The following LAMA3 variants were observed in gnomAD, a reference collection of about 807,000 sequenced individuals.
LAMA3 encodes laminin subunit alpha-3.
Under a neutral mutation model 402.0 loss-of-function variants are expected in LAMA3, and 281 were observed. The ratio of observed to expected loss-of-function variants is 0.70; its 90% CI spans 0.63 to 0.77. The LOEUF (loss-of-function observed/expected upper bound fraction) is 0.77, where lower values mean the gene tolerates loss of function less well. LAMA3 is among the 30% of genes least tolerant of loss of function. The probability of loss-of-function intolerance (pLI) is 0.00; values close to 1 mark genes in which losing one functional copy is unlikely to be tolerated. For synonymous variants in LAMA3, 1,431 were observed against 1,558.4 expected, an observed-to-expected ratio of 0.92 and a Z score of 1.93; for missense variants, 3,840 against 4,215.5, an observed-to-expected ratio of 0.91 and a Z score of 2.47.
chr18:23,867,772 A>G, intron 36 of LAMA3, 62 bp from the exon 37 acceptor site: 4 of 1,246,872 alleles, frequency 3.2e-6, no homozygotes, highest in Non-Finnish European at 4.7e-6. Context: ...TTCTTAGATC[A>G]GTTATAAATC....
At chr18:23,767,578 C>CTTTTTTTTTT (rs71163640) in intron 8 of LAMA3, among the ~76,000 whole-genome samples, 12 of 125,782 alleles carry the variant, frequency 9.5e-5, no homozygotes, top group African/African-American at 1.2e-4. Context: ...TCTTTCTTTT[C>CTTTTTTTTTT]TTTTTTTTTT....
rs374284625 is a variant in LAMA3 at position 23,927,586 on chromosome 18, A to G, written c.8178-537A>G. On this transcript the variant is annotated intron_variant, in intron 62 of 74. Transcript: ENST00000313654. ...GTTTCAGCTTGGCATTGGTTAAATC[A>G]AGCTACGTTTTTCATAATTGAATAG... Among the ~76,000 whole-genome samples, 122 of 152,280 alleles carry G rather than the reference A, an allele frequency of 8.0e-4. 4 individuals carry two copies. The South Asian group carries it at 0.024, about 30-fold the overall frequency.
At chr18:23,835,209 G>A (rs1290041571) in intron 24 of LAMA3, among the ~76,000 whole-genome samples, 1 of 152,124 alleles carries the variant, frequency 6.6e-6, no homozygotes, top group African/African-American at 2.4e-5. Flanking sequence ...ATTTGTCCAC[G>A]CCCACCCACC....
intron 56 of LAMA3, 109 bp from the exon 57 acceptor site, chr18:23,914,301 G>A: frequency 9.1e-7 from 1 of 1,098,176 alleles, no homozygotes; most frequent in South Asian, 1.3e-5. Flanking sequence ...TCTCTCCAAG[G>A]CTTATTGCCT....
intron 29 of LAMA3, 56 bp from the exon 30 acceptor site, chr18:23,844,953 C>T: frequency 1.0e-6 from 1 of 979,720 alleles, no homozygotes; most frequent in South Asian, 1.3e-5. Context: ...TAATAAGTAG[C>T]CTTAGGTCTG....
Position 23,777,546 on chromosome 18 carries a change from T to G in LAMA3, c.1406-11T>G. 1 of 1,575,620 alleles carries G rather than the reference T, an allele frequency of 6.3e-7. No individual in the cohort carries two copies. Among genetic ancestry groups the G allele is most frequent in the Non-Finnish European group, 8.7e-7 (1 of 1,144,848 alleles). On this transcript the variant is annotated splice_polypyrimidine_tract_variant and intron_variant, in intron 10 of 74. Transcript: ENST00000313654. ...TCATCCTCTGTATTTTTTAATAAACTATTTTTACAGGAATTCCCATTTTTC... is the reference window on the plus strand; with the variant it reads ...TCATCCTCTGTATTTTTTAATAAACGATTTTTACAGGAATTCCCATTTTTC...
intron 50 of LAMA3, 58 bp from the exon 51 acceptor site, chr18:23,904,495 A>T: frequency 6.6e-7 from 1 of 1,519,722 alleles, no homozygotes; most frequent in South Asian, 1.2e-5. Flanking sequence ...GTTTGGGGGG[A>T]TGTCAGCTGC....
chr18:23,803,730 A>G (rs1598824890), intron 12 of LAMA3, among the ~76,000 whole-genome samples: 1 of 152,166 alleles, frequency 6.6e-6, no homozygotes, highest in East Asian at 1.9e-4. Flanking sequence ...TCCCTTCACC[A>G]CTGTCCTTCA....
At chr18:23,696,293 A>G (rs1042121665) in intron 1 of LAMA3, among the ~76,000 whole-genome samples, 2 of 152,158 alleles carry the variant, frequency 1.3e-5, no homozygotes, top group African/African-American at 4.8e-5. Flanking sequence ...ATTGAATTCT[A>G]AATGTTTTTG....
intron 2 of LAMA3, among the ~76,000 whole-genome samples, chr18:23,732,641 G>C (rs1487223936): frequency 6.6e-6 from 1 of 152,044 alleles, no homozygotes; most frequent in Admixed American, 6.6e-5. Flanking sequence ...ATCTCAACCT[G>C]TAGCTGTTTG....
At chr18:23,927,991 C>G in intron 62 of LAMA3, 132 bp from the exon 63 acceptor site, 1 of 758,734 alleles carries the variant, frequency 1.3e-6, no homozygotes, top group Non-Finnish European at 2.4e-6. Context: ...ATGGGAATCC[C>G]ATGGGAAAGG....
intron 67 of LAMA3, 129 bp from the exon 68 acceptor site, chr18:23,939,086 CTCCATGGT>C: frequency 1.1e-6 from 1 of 904,398 alleles, no homozygotes; most frequent in East Asian, 2.5e-5. Context: ...AACTTCCCAT[CTCCATGGT>C]ACCAGGCCTT....
At position 23,689,523 on chromosome 18, in the gene LAMA3, C is replaced by T. The variant is rs918014796; in HGVS notation, c.-161C>T. The T allele has an allele frequency of 3.2e-6, 2 of 626,390 alleles. No homozygotes were observed. The highest frequency in any genetic ancestry group is 4.5e-6 in the Non-Finnish European group (2 of 441,388). 38.8% of individuals were successfully genotyped at this position (626,390 alleles called of 1,614,324 possible). ...GAGCTGAGAGGCCACCCCCACGCCG[C>T]GGGCTTCCAGCGCGTGGAGCAAGGG... On this transcript the variant is annotated 5_prime_UTR_variant, in exon 1 of 75. Coordinates refer to ENST00000313654, the MANE Select transcript of LAMA3 (RefSeq NM_198129.4).
chr18:23,775,651 G>GT (rs1159625426), intron 9 of LAMA3, 141 bp from the exon 10 acceptor site: 3 of 920,114 alleles, frequency 3.3e-6, no homozygotes, highest in African/African-American at 1.6e-5. Flanking sequence ...CAGGTGTGAG[G>GT]TGGGAAATAG....
At chr18:23,701,027 G>A (rs1456534645) in intron 1 of LAMA3, among the ~76,000 whole-genome samples, 1 of 152,184 alleles carries the variant, frequency 6.6e-6, no homozygotes, top group Non-Finnish European at 1.5e-5. Flanking sequence ...AAATATTGTT[G>A]AGAAATCTAT....
In LAMA3 at chr18:23,939,338, C is replaced by A. The variant is rs780737246; in HGVS notation, c.8978C>A (p.Pro2993His). The A allele has an allele frequency of 5.0e-6, 8 of 1,614,220 alleles. No individual in the cohort carries two copies. The highest frequency in any genetic ancestry group is 6.8e-6 in the Non-Finnish European group (8 of 1,180,038). ...NHGALQFGDI[P>H]TSHLLFKLPQ... ...GGAGCCCTCCAGTTTGGGGACATTC[C>A]CACCAGCCACTTGCTATTCAAGCTT... Residue 2993 changes from proline (P) to histidine (H), a missense_variant, in exon 68 of 75, where the codon CCC becomes CAC. Physicochemically the swap from Pro to His is moderately conservative, Grantham distance 77 (BLOSUM62 -2). Around this residue, in one of 3 missense-constraint regions of LAMA3, gnomAD observed 840 missense variants for 981.9 expected, o/e 0.86. Coordinates refer to ENST00000313654, the MANE Select transcript of LAMA3 (RefSeq NM_198129.4).
chr18:23,899,345 A>G lies in LAMA3; in HGVS notation c.5894A>G (p.Asp1965Gly), dbSNP rs2145105383. Reference sequence around the variant, plus strand: ...GAGGGAAACAACGTGCCTTCAGGTGACTTTTCCAGAGAGTGGGCTGAAGCC... The same window carrying G: ...GAGGGAAACAACGTGCCTTCAGGTGGCTTTTCCAGAGAGTGGGCTGAAGCC... ...DGEGNNVPSGDFSREWAEAQR... is the reference protein window; with the variant it reads ...DGEGNNVPSGGFSREWAEAQR... The change falls in exon 47 of 75, where the codon GAC becomes GGC. Residue 1965 changes from aspartate to glycine, a missense_variant. This residue lies in a region of LAMA3 where 891 missense variants were observed against 857.5 expected (regional missense o/e 1.04). Coordinates refer to ENST00000313654, the MANE Select transcript of LAMA3 (RefSeq NM_198129.4). 1.2e-6 allele frequency: 2 copies of G among 1,613,998 alleles called. No homozygotes were observed. Among genetic ancestry groups the G allele is most frequent in the East Asian group, 4.5e-5 (2 of 44,892 alleles).
chr18:23,945,817 A>G (rs1443686151), intron 69 of LAMA3, among the ~76,000 whole-genome samples: 1 of 152,076 alleles, frequency 6.6e-6, no homozygotes, highest in African/African-American at 2.4e-5. Context: ...CCTTTGTTAC[A>G]TGGAGGGGGT....
rs1392528129 is a variant in LAMA3, at chr18:23,837,090, G to A, written c.3093+1G>A. On this transcript the variant is annotated splice_donor_variant, in intron 25 of 74. Coordinates refer to ENST00000313654, the MANE Select transcript of LAMA3 (RefSeq NM_198129.4). LOFTEE classifies it high-confidence loss of function. ...GGGACACATGGCCCGATTCCTTCTG[G>A]TATGCTTCTGTTTTGCCCATTGAAT... is the stretch of plus-strand genomic sequence containing the variant. The A allele has an allele frequency of 6.3e-7, 1 of 1,591,406 alleles. No individual in the cohort carries two copies. Among genetic ancestry groups the A allele is most frequent in the Non-Finnish European group, 8.6e-7 (1 of 1,159,664 alleles).
Sources: allele counts gnomAD v4.1 joint callset (sites outside exome capture counted in the v4.1 genomes callset), GRCh38; gene constraint gnomAD v4.1.1; regional missense constraint gnomAD v4.1.1; transcripts MANE v1.5; gene names NCBI Gene and HGNC (gene_info 2026-07-23, HGNC 2026-07-21).